The following LPGAT1 variants were observed in gnomAD, a reference collection of about 807,000 sequenced individuals.
LPGAT1 encodes the protein lysophosphatidylglycerol acyltransferase 1, also known as acyl-CoA:lysophosphatidylglycerol acyltransferase 1.
In LPGAT1, 11 loss-of-function variants were observed where a neutral mutation model predicts 47.5. That is an observed-to-expected ratio of 0.23 (90% CI 0.15 to 0.38). LPGAT1 has a LOEUF of 0.38. Ranked by LOEUF, LPGAT1 falls within the 10% of genes least tolerant of loss-of-function variation. LPGAT1 has a pLI of 1.00. For synonymous variants in LPGAT1, 138 were observed against 144.2 expected (o/e 0.96, Z 0.31); for missense variants, 293 against 439.0 (o/e 0.67, Z 2.97).
Position 211,778,911 on chromosome 1 carries a change from T to C in LPGAT1, c.854+7A>G. 6.3e-7 allele frequency: 1 copy of C among 1,580,198 alleles called. No individual in the cohort carries two copies. The highest frequency in any genetic ancestry group is 8.6e-7 in the Non-Finnish European group (1 of 1,167,788). On this transcript the variant is annotated splice_region_variant and intron_variant, in intron 6 of 7. Coordinates refer to ENST00000366997, the MANE Select transcript of LPGAT1 (RefSeq NM_014873.3). ...ATATATACTGAGTACTAATATAGAA[T>C]TCTTACCTGTAATGTACATGTGTGA...
At chr1:211,817,888 G>T (rs369154107) in intron 2 of LPGAT1, among the ~76,000 whole-genome samples, 3 of 152,212 alleles carry the variant, frequency 2.0e-5, no homozygotes, top group African/African-American at 4.8e-5. Context: ...AGGCTGGAGT[G>T]CAGTGGTGCG....
intron 5 of LPGAT1, among the ~76,000 whole-genome samples, chr1:211,779,287 T>C (rs1009368959): frequency 4.6e-5 from 7 of 152,182 alleles, no homozygotes; most frequent in Non-Finnish European, 8.8e-5. Flanking sequence ...ACATGCACCA[T>C]TCAAGTATCT....
intron 2 of LPGAT1, among the ~76,000 whole-genome samples, chr1:211,817,666 T>C (rs1363128401): frequency 6.6e-6 from 1 of 152,166 alleles, no homozygotes; most frequent in Admixed American, 6.5e-5. Flanking sequence ...CTAATGAGTG[T>C]ATAAACAACT....
chr1:211,752,752 T>C (rs999516367), intron 6 of LPGAT1, among the ~76,000 whole-genome samples: 23 of 152,358 alleles, frequency 1.5e-4, no homozygotes, highest in African/African-American at 5.0e-4. Flanking sequence ...CTTTTCTATA[T>C]AAACAACCCC....
intron 6 of LPGAT1, among the ~76,000 whole-genome samples, chr1:211,778,473 TG>T (rs1215048032): frequency 6.6e-6 from 1 of 152,108 alleles, no homozygotes; most frequent in Non-Finnish European, 1.5e-5. Flanking sequence ...GTCTATGCAG[TG>T]GCCATTCTTT....
At chr1:211,808,057 T>A (rs1369184183) in intron 2 of LPGAT1, among the ~76,000 whole-genome samples, 3 of 142,370 alleles carry the variant, frequency 2.1e-5, no homozygotes, top group Non-Finnish European at 4.7e-5. Context: ...ACAAAGGGTT[T>A]ATATCCCAAG....
chr1:211,787,521 C>G, intron 4 of LPGAT1, 111 bp downstream of exon 4: 1 of 393,254 alleles, frequency 2.5e-6, no homozygotes. Flanking sequence ...CTCCCTAAGA[C>G]TGGTTAGAAG....
chr1:211,799,127 T>A (rs77858139), intron 2 of LPGAT1, among the ~76,000 whole-genome samples: 3,529 of 152,228 alleles, frequency 0.023, 66 homozygotes, highest in Non-Finnish European at 0.03. Flanking sequence ...GCAAGTACAT[T>A]GTACACACTA....
intron 2 of LPGAT1, 127 bp downstream of exon 2, chr1:211,828,932 T>G: frequency 1.1e-6 from 1 of 873,240 alleles, no homozygotes; most frequent in Non-Finnish European, 1.7e-6. Flanking sequence ...AATAGAACTG[T>G]TTTCTTTTTA....
intron 2 of LPGAT1, among the ~76,000 whole-genome samples, chr1:211,796,228 G>A (rs1659345193): frequency 6.6e-6 from 1 of 152,146 alleles, no homozygotes; most frequent in Non-Finnish European, 1.5e-5. Context: ...GGAACCCTCT[G>A]TACTGGGTTG....
intron 2 of LPGAT1, among the ~76,000 whole-genome samples, chr1:211,818,791 C>G (rs1660265801): frequency 6.6e-6 from 1 of 152,180 alleles, no homozygotes; most frequent in East Asian, 1.9e-4. Context: ...CTCACTCCTT[C>G]CATTCGTTTT....
chr1:211,801,050 C>T (rs1043416911), intron 2 of LPGAT1, among the ~76,000 whole-genome samples: 31 of 152,146 alleles, frequency 2.0e-4, no homozygotes, highest in African/African-American at 7.5e-4. Flanking sequence ...AAGCCACAGC[C>T]ACTTGCTTGG....
intron 4 of LPGAT1, among the ~76,000 whole-genome samples, chr1:211,784,474 G>C (rs930488414): frequency 2.9e-5 from 4 of 139,528 alleles, no homozygotes; most frequent in African/African-American, 1.1e-4. Context: ...CTGGGTGATA[G>C]AGTGAGACCC....
chr1:211,829,853 T>C (rs1660664304), intron 1 of LPGAT1: 3 of 979,000 alleles, frequency 3.1e-6, no homozygotes, highest in African/African-American at 3.7e-5. Flanking sequence ...TTTGTAGCAA[T>C]AGGGTTTTTG....
chr1:211,771,126 C>T (rs1184455410), intron 6 of LPGAT1, among the ~76,000 whole-genome samples: 1 of 150,646 alleles, frequency 6.6e-6, no homozygotes, highest in East Asian at 1.9e-4. Flanking sequence ...AACTTTTATA[C>T]GGTATTTTTA....
chr1:211,779,126 G>A (rs1421646574), intron 5 of LPGAT1, 82 bp from the exon 6 acceptor site: 24 of 1,161,354 alleles, frequency 2.1e-5, no homozygotes, highest in Non-Finnish European at 2.7e-5. Flanking sequence ...CTTGACCAGT[G>A]TAAGATATAT....
chr1:211,825,103 G>T (rs1283652023), intron 2 of LPGAT1, among the ~76,000 whole-genome samples: 2 of 150,312 alleles, frequency 1.3e-5, no homozygotes, highest in Non-Finnish European at 1.5e-5. Flanking sequence ...TTTGGCCCAT[G>T]ACTCTCTCTC....
At position 211,744,908 on chromosome 1, in the gene LPGAT1, G is replaced by A. The variant is rs1467413856; in HGVS notation, c.*4991C>T. ...CACAGTGTGCTTTAAGTACTTGCCTGCAGATATTAATGCCCAAATAGCTCT... is the reference window on the plus strand; with the variant it reads ...CACAGTGTGCTTTAAGTACTTGCCTACAGATATTAATGCCCAAATAGCTCT... On this transcript the variant is annotated 3_prime_UTR_variant, in exon 8 of 8. Transcript: ENST00000366997. The A allele has an allele frequency of 6.6e-6, 1 of 152,540 alleles. No individual in the cohort carries two copies. Among genetic ancestry groups the A allele is most frequent in the Non-Finnish European group, 1.5e-5 (1 of 68,018 alleles). 9.4% of individuals were successfully genotyped at this position (152,540 alleles called of 1,614,324 possible).
At position 211,747,711 on chromosome 1, in the gene LPGAT1, C is replaced by T. The variant is rs915525204; in HGVS notation, c.*2188G>A. ...CTCAAGTGAACAATTTCATTTCATC[C>T]AGTAATTTAGTGGTGCTTGCTGGGC... On this transcript the variant is annotated 3_prime_UTR_variant, in exon 8 of 8. Coordinates refer to ENST00000366997, the MANE Select transcript of LPGAT1 (RefSeq NM_014873.3). 1 of 152,158 alleles carries T rather than the reference C, an allele frequency of 6.6e-6. No individual in the cohort carries two copies. The highest frequency in any genetic ancestry group is 1.5e-5 in the Non-Finnish European group (1 of 68,034). 9.4% of individuals were successfully genotyped at this position (152,158 alleles called of 1,614,324 possible).
Sources: gnomAD v4.1 joint callset for allele counts (sites outside exome capture counted in the v4.1 genomes callset) on GRCh38, gnomAD v4.1.1 for gene constraint, MANE v1.5 for transcripts, NCBI Gene and HGNC (gene_info 2026-07-23, HGNC 2026-07-21) for gene names.